ATL2: variants seen among roughly 807,000 people sequenced by gnomAD.
ATL2 encodes atlastin GTPase 2, also known as atlastin-2.
ATL2 carries 31 observed loss-of-function variants against 73.9 expected under a neutral mutation model. That is an observed-to-expected ratio of 0.42 (90% CI 0.32 to 0.57). ATL2 has a LOEUF of 0.57. Ranked by LOEUF, ATL2 falls within the 20% of genes least tolerant of loss-of-function variation. The pLI is 0.14. For missense variants in ATL2, 738 were observed against 702.6 expected (o/e 1.05, Z -0.57); for synonymous variants, 291 against 237.5 (o/e 1.23, Z -2.07).
At chr2:38,327,949 G>C (rs913244327) in intron 2 of ATL2, among the ~76,000 whole-genome samples, 1 of 151,992 alleles carries the variant, frequency 6.6e-6, no homozygotes, top group Non-Finnish European at 1.5e-5. Flanking sequence ...AAAAGAAATT[G>C]TCACAGTGGG....
chr2:38,317,148 G>A (rs948930940), intron 4 of ATL2, among the ~76,000 whole-genome samples: 1 of 152,018 alleles, frequency 6.6e-6, no homozygotes, highest in African/African-American at 2.4e-5. Context: ...GACATTACTG[G>A]AAAGCATAAA....
chr2:38,349,411 A>G (rs1670213811), intron 1 of ATL2, among the ~76,000 whole-genome samples: 1 of 150,798 alleles, frequency 6.6e-6, no homozygotes, highest in Non-Finnish European at 1.5e-5. Flanking sequence ...TTCTCAGTAA[A>G]CTATCGCAAG....
intron 10 of ATL2, among the ~76,000 whole-genome samples, chr2:38,300,022 A>G (rs1044500523): frequency 6.6e-6 from 1 of 152,182 alleles, no homozygotes; most frequent in Non-Finnish European, 1.5e-5. Context: ...CTATACTTTG[A>G]GCATCTGAAG....
At chr2:38,337,739 A>G (rs750268642) in intron 2 of ATL2, among the ~76,000 whole-genome samples, 23 of 152,004 alleles carry the variant, frequency 1.5e-4, no homozygotes, top group Non-Finnish European at 1.6e-4. Flanking sequence ...ATAAGTGCTA[A>G]AAATTGTTTA....
intron 1 of ATL2, among the ~76,000 whole-genome samples, chr2:38,366,913 C>A (rs1671361256): frequency 6.6e-6 from 1 of 152,142 alleles, no homozygotes; most frequent in Non-Finnish European, 1.5e-5. Context: ...GAAAACTAAC[C>A]CCAGCCCCTT....
chr2:38,315,369 T>C (rs750474586), intron 4 of ATL2, 35 bp from the exon 5 acceptor site: 117 of 1,489,808 alleles, frequency 7.9e-5, no homozygotes, highest in Non-Finnish European at 1.0e-4. Flanking sequence ...TTTTTATTAG[T>C]GTTTTGTTCT....
intron 1 of ATL2, among the ~76,000 whole-genome samples, chr2:38,351,660 A>C (rs945443138): frequency 6.6e-6 from 1 of 151,896 alleles, no homozygotes; most frequent in African/African-American, 2.4e-5. Flanking sequence ...CGCCTGGCTA[A>C]TTCTTTTGTA....
chr2:38,340,936 G>T (rs1443833456), intron 2 of ATL2, among the ~76,000 whole-genome samples: 1 of 152,138 alleles, frequency 6.6e-6, no homozygotes, highest in Non-Finnish European at 1.5e-5. Flanking sequence ...ACCTTTGCAT[G>T]GCTTCTGCAA....
intron 12 of ATL2, 121 bp downstream of exon 12, chr2:38,298,023 C>G: frequency 1.1e-6 from 1 of 903,486 alleles, no homozygotes; most frequent in African/African-American, 1.7e-5. Context: ...CTGAACAAAA[C>G]AGAAGACATC....
rs559173763 is a variant in ATL2, at chr2:38,315,134, C to G, written c.654+150G>C. On this transcript the variant is annotated intron_variant, in intron 5 of 12. Coordinates refer to ENST00000378954, the MANE Select transcript of ATL2 (RefSeq NM_001135673.4). Reference sequence around the variant, plus strand: ...GGCATGGTGGCACATGCCTGTAATGCCAGCTACTTGGGAGGCTGAGGCAGG... The same window carrying G: ...GGCATGGTGGCACATGCCTGTAATGGCAGCTACTTGGGAGGCTGAGGCAGG... 20 of 707,604 alleles carry G rather than the reference C, an allele frequency of 2.8e-5. No individual in the cohort carries two copies. In the African/African-American group the frequency reaches 3.8e-4, roughly 13 times the overall value. 43.8% of individuals were successfully genotyped at this position (707,604 alleles called of 1,614,324 possible).
At chr2:38,335,341 T>C (rs1669291948) in intron 2 of ATL2, among the ~76,000 whole-genome samples, 1 of 152,142 alleles carries the variant, frequency 6.6e-6, no homozygotes, top group African/African-American at 2.4e-5. Context: ...TAGAAACCCA[T>C]ATGTCTATCA....
chr2:38,331,437 GA>G (rs34238912), intron 2 of ATL2, among the ~76,000 whole-genome samples: 1,396 of 80,330 alleles, frequency 0.017, 16 homozygotes, highest in East Asian at 0.083. Flanking sequence ...TCTGTCTCAA[GA>G]AAAAAAAAAA....
intron 9 of ATL2, among the ~76,000 whole-genome samples, chr2:38,305,942 A>G (rs1402099340): frequency 6.6e-6 from 1 of 152,184 alleles, no homozygotes; most frequent in Non-Finnish European, 1.5e-5. Context: ...AACAATACAA[A>G]AGATCAATGA....
chr2:38,353,509 C>T lies in ATL2; in HGVS notation c.119-9997G>A, dbSNP rs189011425. On this transcript the variant is annotated intron_variant, in intron 1 of 12. Transcript: ENST00000378954. ...ATCCCAGAAGGAGAACAAAGTGAGG[C>T]TGGAGCTGAAAAAATATTTGAAGAA... Among the ~76,000 whole-genome samples the T allele has an allele frequency of 1.4e-4, 21 of 152,250 alleles. No homozygotes were observed. In the East Asian group the frequency reaches 3.7e-3, roughly 27 times the overall value.
At chr2:38,373,021 T>A (rs904119337) in intron 1 of ATL2, among the ~76,000 whole-genome samples, 1 of 144,950 alleles carries the variant, frequency 6.9e-6, no homozygotes, top group Non-Finnish European at 1.5e-5. Context: ...ACATATATGT[T>A]ACTGTGCCTT....
At chr2:38,351,038 A>C (rs1670307155) in intron 1 of ATL2, among the ~76,000 whole-genome samples, 1 of 152,226 alleles carries the variant, frequency 6.6e-6, no homozygotes, top group South Asian at 2.1e-4. Flanking sequence ...AACAAAGAAT[A>C]ATTCACCTTT....
chr2:38,324,322 T>C (rs1002871034), intron 2 of ATL2, among the ~76,000 whole-genome samples: 24 of 152,110 alleles, frequency 1.6e-4, no homozygotes, highest in African/African-American at 5.3e-4. Context: ...AGCGAGATCC[T>C]CCCTAGTTGC....
intron 12 of ATL2, chr2:38,296,442 G>C: frequency 1.3e-6 from 2 of 1,566,226 alleles, no homozygotes; most frequent in Non-Finnish European, 8.7e-7. Flanking sequence ...ACATGTGTAA[G>C]TGTGAACACT....
intron 2 of ATL2, among the ~76,000 whole-genome samples, chr2:38,342,019 A>C (rs1212128855): frequency 1.3e-5 from 2 of 152,096 alleles, no homozygotes; most frequent in Non-Finnish European, 1.5e-5. Context: ...TCCACTCCAA[A>C]ATTTCCAATT....
Sources: gnomAD v4.1 joint callset for allele counts (sites outside exome capture counted in the v4.1 genomes callset) on GRCh38, gnomAD v4.1.1 for gene constraint, MANE v1.5 for transcripts, NCBI Gene and HGNC (gene_info 2026-07-23, HGNC 2026-07-21) for gene names.